ATG4A: variants seen among roughly 807,000 people sequenced by gnomAD.
The protein encoded by ATG4A is cysteine protease ATG4A.
ATG4A carries 22 observed loss-of-function variants against 38.4 expected under a neutral mutation model. That is an observed-to-expected ratio of 0.57 (90% CI 0.41 to 0.82). The LOEUF is 0.82. ATG4A is among the 40% of genes least tolerant of loss of function. The probability of loss-of-function intolerance (pLI) is 0.00; values close to 1 mark genes in which losing one functional copy is unlikely to be tolerated. For missense variants in ATG4A, 220 were observed against 290.0 expected, an observed-to-expected ratio of 0.76 and a Z score of 1.75; for synonymous variants, 86 against 100.7, an observed-to-expected ratio of 0.85 and a Z score of 0.88.
chrX:108,138,259 G>A (rs1187978781), intron 9 of ATG4A, 68 bp downstream of exon 9: 1 of 981,347 alleles, frequency 1.0e-6, no homozygotes, highest in Non-Finnish European at 1.4e-6. Flanking sequence ...AGGTTTGCAT[G>A]GGAGACCAGG....
chrX:108,114,012 C>T (rs1459176855), intron 1 of ATG4A, among the ~76,000 whole-genome samples: 2 of 111,574 alleles, frequency 1.8e-5, no homozygotes, highest in African/African-American at 3.3e-5. Flanking sequence ...GTTGTAATTG[C>T]GAAAAGCAGG....
Position 108,137,156 on chromosome X carries a change from T to G in ATG4A, c.533T>G (p.Val178Gly). The G allele has an allele frequency of 8.3e-7, 1 of 1,204,076 alleles. No individual in the cohort carries two copies. The highest frequency in any genetic ancestry group is 1.1e-6 in the Non-Finnish European group (1 of 890,289). ...AVYVSMDNTV[V>G]IEDIKKMCRV... The stretch of plus-strand genomic sequence containing the variant: ...TATGTTTCAATGGATAACACAGTGG[T>G]CATTGAAGATATCAGTGAGTTACCA... Residue 178 changes from valine to glycine, a missense_variant, in exon 7 of 13, where the codon GTC becomes GGC. By Grantham distance (109) the Val-to-Gly change is moderately radical. This residue lies in a region of ATG4A where 159 missense variants were observed against 188.9 expected (regional missense o/e 0.84). Transcript: ENST00000372232.
intron 1 of ATG4A, among the ~76,000 whole-genome samples, chrX:108,116,724 C>T (rs1170222012): frequency 9.0e-6 from 1 of 111,553 alleles, no homozygotes; most frequent in Non-Finnish European, 1.9e-5. Context: ...GCTGCCAAGG[C>T]CAGCATCTCC....
At chrX:108,124,359 G>C (rs1334603084) in intron 1 of ATG4A, among the ~76,000 whole-genome samples, 6 of 112,405 alleles carry the variant, frequency 5.3e-5, no homozygotes, top group African/African-American at 1.9e-4. Flanking sequence ...ATATTGAGGA[G>C]AAGGGCTACT....
chrX:108,141,057 CGTGT>C (rs1214205238), intron 9 of ATG4A, among the ~76,000 whole-genome samples: 1,366 of 42,074 alleles, frequency 0.032, 45 homozygotes, highest in Non-Finnish European at 0.042. Flanking sequence ...TACATATATA[CGTGT>C]ATATATATAC....
At chrX:108,138,223 G>A (rs370277824) in intron 9 of ATG4A, 32 bp downstream of exon 9, 17 of 1,160,109 alleles carry the variant, frequency 1.5e-5, no homozygotes, top group South Asian at 1.3e-4. Flanking sequence ...GTAAGTCATC[G>A]TGGGCTAGGG....
In ATG4A at chrX:108,100,009, G is replaced by T. The variant is rs371534465; in HGVS notation, c.10+8173G>T. ...TCTGAAAAAAGTTAGCTGAGATATTGATAGGAATTGTATTAGACCTGTGTA... is the reference window on the plus strand; with the variant it reads ...TCTGAAAAAAGTTAGCTGAGATATTTATAGGAATTGTATTAGACCTGTGTA... On this transcript the variant is annotated intron_variant, in intron 1 of 12. Coordinates refer to ENST00000372232, the MANE Select transcript of ATG4A (RefSeq NM_052936.5). 6.3e-5 allele frequency among the ~76,000 whole-genome samples: 7 copies of T among 111,658 alleles called. No individual in the cohort carries two copies. In the East Asian group the frequency reaches 2.0e-3, roughly 31 times the overall value.
chrX:108,114,792 G>C (rs2032458769), intron 1 of ATG4A, among the ~76,000 whole-genome samples: 1 of 111,433 alleles, frequency 9.0e-6, no homozygotes, highest in South Asian at 3.7e-4. Context: ...AAAATTAAGT[G>C]TCATTTTGCT....
chrX:108,112,533 A>G (rs1272508145), intron 1 of ATG4A, among the ~76,000 whole-genome samples: 20 of 109,769 alleles, frequency 1.8e-4, no homozygotes, highest in Admixed American at 1.7e-3. Flanking sequence ...CTGGGATTAC[A>G]GGCGCCCGGC....
At chrX:108,090,805 C>A (rs1291638687), upstream of ATG4A, among the ~76,000 whole-genome samples, 1 of 112,574 alleles carries the variant, frequency 8.9e-6, no homozygotes, top group Non-Finnish European at 1.9e-5. Flanking sequence ...CTCATTCCCC[C>A]ATGGAAATCC....
intron 1 of ATG4A, among the ~76,000 whole-genome samples, chrX:108,107,243 A>C (rs1418998082): frequency 9.0e-6 from 1 of 110,720 alleles, no homozygotes; most frequent in Non-Finnish European, 1.9e-5. Flanking sequence ...CAATCGCATA[A>C]TTTCTATTGT....
chrX:108,147,480 G>T (rs1212033120), intron 9 of ATG4A, among the ~76,000 whole-genome samples: 1 of 111,637 alleles, frequency 9.0e-6, no homozygotes, highest in Non-Finnish European at 1.9e-5. Context: ...TGCACCTTTT[G>T]TTGGAGGCCA....
chrX:108,121,663 G>A (rs951619765), intron 1 of ATG4A, among the ~76,000 whole-genome samples: 1 of 111,191 alleles, frequency 9.0e-6, no homozygotes, highest in Non-Finnish European at 1.9e-5. Flanking sequence ...TTCACCCCCA[G>A]TTGGAATTAA....
intron 11 of ATG4A, among the ~76,000 whole-genome samples, chrX:108,152,298 G>T (rs1336940715): frequency 9.0e-6 from 1 of 111,209 alleles, no homozygotes; most frequent in African/African-American, 3.3e-5. Flanking sequence ...GCAGTGGCGG[G>T]ATCTGGGTGC....
intron 1 of ATG4A, among the ~76,000 whole-genome samples, chrX:108,098,741 T>A (rs187066382): frequency 8.9e-6 from 1 of 111,994 alleles, no homozygotes; most frequent in East Asian, 2.8e-4. Context: ...ATTTTTAGAA[T>A]CATAAAGTAT....
intron 1 of ATG4A, among the ~76,000 whole-genome samples, chrX:108,112,941 T>G (rs1233601850): frequency 9.0e-6 from 1 of 110,936 alleles, no homozygotes; most frequent in Admixed American, 9.6e-5. Context: ...TTAGCCCTTC[T>G]TGCTTCTGTC....
chrX:108,143,389 C>T (rs1289761118), intron 9 of ATG4A, among the ~76,000 whole-genome samples: 4 of 111,057 alleles, frequency 3.6e-5, no homozygotes, highest in Non-Finnish European at 7.5e-5. Flanking sequence ...GGGTCTGGGC[C>T]GTTTGTAGTC....
At chrX:108,090,673 T>G (rs1255720046), upstream of ATG4A, among the ~76,000 whole-genome samples, 3 of 112,053 alleles carry the variant, frequency 2.7e-5, no homozygotes, top group Non-Finnish European at 5.6e-5. Flanking sequence ...TATAAATATT[T>G]GTGGGCTTAC....
chrX:108,105,434 G>C (rs972222013), intron 1 of ATG4A, among the ~76,000 whole-genome samples: 10 of 110,753 alleles, frequency 9.0e-5, no homozygotes, highest in African/African-American at 3.3e-4. Context: ...TTCTATATCA[G>C]TAAGCCTCCT....
Sources: gnomAD v4.1 joint callset for allele counts (sites outside exome capture counted in the v4.1 genomes callset) on GRCh38, gnomAD v4.1.1 for gene constraint, gnomAD v4.1.1 regional missense constraint, MANE v1.5 for transcripts, NCBI Gene and HGNC (gene_info 2026-07-23, HGNC 2026-07-21) for gene names.